Variants in RPS6KC1 observed in about 807,000 individuals in gnomAD.
RPS6KC1 encodes ribosomal protein S6 kinase C1, also known as inactive ribosomal protein S6 kinase delta-1.
In RPS6KC1, 54 loss-of-function variants were observed where a neutral mutation model predicts 103.8. That is an observed-to-expected ratio of 0.52 (90% CI 0.42 to 0.65). The LOEUF (loss-of-function observed/expected upper bound fraction) is 0.65, where lower values mean the gene tolerates loss of function less well. RPS6KC1 is among the 30% of genes least tolerant of loss of function. RPS6KC1 has a pLI of 0.00. For missense variants in RPS6KC1, 1,151 were observed against 1,253.8 expected (o/e 0.92, Z 1.24); for synonymous variants, 439 against 438.7 (o/e 1.00, Z -0.01).
At chr1:213,619,040 A>C in the RPS6KC1 span, among the ~76,000 whole-genome samples, 3 of 152,264 alleles carry the variant, frequency 2.0e-5, no homozygotes, top group Non-Finnish European at 4.4e-5. Context: ...CACTAGTCAC[A>C]GAAAGCTTGA....
the RPS6KC1 span, among the ~76,000 whole-genome samples, chr1:213,583,694 G>T: frequency 4.0e-5 from 6 of 151,600 alleles, no homozygotes. Context: ...GGTGGTGTGT[G>T]CCTGTAACCC....
chr1:213,629,534 T>A, the RPS6KC1 span, among the ~76,000 whole-genome samples: 1 of 152,144 alleles, frequency 6.6e-6, no homozygotes, highest in Non-Finnish European at 1.5e-5. Flanking sequence ...TGAATCTTTA[T>A]CCAATTTGCC....
intron 4 of RPS6KC1, among the ~76,000 whole-genome samples, chr1:213,112,601 A>G (rs1403685693): frequency 6.6e-6 from 1 of 151,728 alleles, no homozygotes; most frequent in Admixed American, 6.6e-5. Flanking sequence ...TTTAGGGTAC[A>G]TGTGCACAAT....
At chr1:213,789,176 T>G in the RPS6KC1 span, among the ~76,000 whole-genome samples, 1 of 152,104 alleles carries the variant, frequency 6.6e-6, no homozygotes, top group South Asian at 2.1e-4. Flanking sequence ...TCAGTAGAGA[T>G]TGTGTAGTTT....
chr1:213,734,529 G>T, the RPS6KC1 span, among the ~76,000 whole-genome samples: 1 of 152,206 alleles, frequency 6.6e-6, no homozygotes, highest in Non-Finnish European at 1.5e-5. Flanking sequence ...GTGAGTGCAT[G>T]TGTGAATGTG....
chr1:213,071,833 AAGTT>A (rs2078911005), intron 2 of RPS6KC1, among the ~76,000 whole-genome samples: 1 of 152,076 alleles, frequency 6.6e-6, no homozygotes, highest in Admixed American at 6.5e-5. Flanking sequence ...TTAAGTTAGT[AAGTT>A]CTTTTGCAGA....
At chr1:213,701,316 G>T in the RPS6KC1 span, among the ~76,000 whole-genome samples, 1 of 151,894 alleles carries the variant, frequency 6.6e-6, no homozygotes, top group African/African-American at 2.4e-5. Context: ...ACAATGATGT[G>T]GTTTCTGTCC....
chr1:213,195,866 C>T (rs2092928471), intron 8 of RPS6KC1, among the ~76,000 whole-genome samples: 1 of 150,010 alleles, frequency 6.7e-6, no homozygotes, highest in Non-Finnish European at 1.5e-5. Context: ...ACCATATTTT[C>T]TTTATCTACT....
chr1:213,431,440 T>C, the RPS6KC1 span, among the ~76,000 whole-genome samples: 2 of 152,106 alleles, frequency 1.3e-5, no homozygotes, highest in Non-Finnish European at 2.9e-5. Flanking sequence ...CTCACAACAC[T>C]CCCTCTTACC....
the RPS6KC1 span, among the ~76,000 whole-genome samples, chr1:213,312,900 G>T: frequency 6.6e-6 from 1 of 152,130 alleles, no homozygotes; most frequent in African/African-American, 2.4e-5. Context: ...CCATTAGTGG[G>T]TTCTGTTTAA....
At chr1:213,797,912 T>C in the RPS6KC1 span, among the ~76,000 whole-genome samples, 7 of 152,236 alleles carry the variant, frequency 4.6e-5, no homozygotes, top group Admixed American at 6.5e-5. Context: ...GTTGACTTTG[T>C]TGGAAAATCG....
the RPS6KC1 span, among the ~76,000 whole-genome samples, chr1:213,668,015 A>G: frequency 6.6e-6 from 1 of 152,234 alleles, no homozygotes; most frequent in Non-Finnish European, 1.5e-5. Flanking sequence ...GACTTTGTCC[A>G]CTGAAGTCTT....
At chr1:213,081,369 C>G (rs892270040) in intron 3 of RPS6KC1, among the ~76,000 whole-genome samples, 3 of 152,068 alleles carry the variant, frequency 2.0e-5, no homozygotes, top group African/African-American at 7.2e-5. Flanking sequence ...GAGGAGGTGC[C>G]AGGCTTTTTC....
At chr1:213,491,895 G>T in the RPS6KC1 span, among the ~76,000 whole-genome samples, 1 of 152,180 alleles carries the variant, frequency 6.6e-6, no homozygotes, top group African/African-American at 2.4e-5. Flanking sequence ...GCCAGGTGGA[G>T]GTTGTCAGGG....
the RPS6KC1 span, among the ~76,000 whole-genome samples, chr1:213,374,990 CAT>C: frequency 6.6e-6 from 1 of 152,072 alleles, no homozygotes; most frequent in Admixed American, 6.6e-5. Context: ...TACACACACA[CAT>C]ATACACACAT....
the RPS6KC1 span, among the ~76,000 whole-genome samples, chr1:213,578,625 A>G: frequency 6.6e-6 from 1 of 150,612 alleles, no homozygotes; most frequent in Non-Finnish European, 1.5e-5. Flanking sequence ...TTGGAACTTT[A>G]AGGTTTAATG....
At chr1:213,521,938 G>A in the RPS6KC1 span, among the ~76,000 whole-genome samples, 1 of 152,128 alleles carries the variant, frequency 6.6e-6, no homozygotes, top group Admixed American at 6.5e-5. Flanking sequence ...CCAAACACTT[G>A]TTAACATTGA....
chr1:213,487,773 T>C, the RPS6KC1 span, among the ~76,000 whole-genome samples: 1 of 152,160 alleles, frequency 6.6e-6, no homozygotes, highest in Non-Finnish European at 1.5e-5. Flanking sequence ...CTAAGGTTAT[T>C]GATTCCATGA....
chr1:213,534,322 A>G, the RPS6KC1 span, among the ~76,000 whole-genome samples: 2 of 152,234 alleles, frequency 1.3e-5, no homozygotes, highest in Non-Finnish European at 2.9e-5. Flanking sequence ...AAGATCATAA[A>G]AGCTAACATG....
Sources: allele counts gnomAD v4.1 joint callset (sites outside exome capture counted in the v4.1 genomes callset), GRCh38; gene constraint gnomAD v4.1.1; transcripts MANE v1.5; gene names NCBI Gene and HGNC (gene_info 2026-07-23, HGNC 2026-07-21).